Variants in BICC1 observed in about 807,000 individuals in gnomAD.
BICC1 encodes the protein protein bicaudal C homolog 1.
Under a neutral mutation model 111.0 loss-of-function variants are expected in BICC1, and 43 were observed. That is an observed-to-expected ratio of 0.39 (90% confidence interval 0.30 to 0.50). BICC1 has a LOEUF of 0.50. Ranked by LOEUF, BICC1 falls within the 20% of genes least tolerant of loss-of-function variation. The pLI is 0.88. For missense variants in BICC1, 1,091 were observed against 1,203.2 expected (o/e 0.91, Z 1.38); for synonymous variants, 467 against 434.4 (o/e 1.07, Z -0.93).
intron 1 of BICC1, among the ~76,000 whole-genome samples, chr10:58,565,411 T>C (rs887336963): frequency 8.5e-5 from 13 of 152,154 alleles, no homozygotes; most frequent in African/African-American, 2.7e-4. Context: ...TCAGAGGAGC[T>C]GGTCAGTCAA....
intron 1 of BICC1, among the ~76,000 whole-genome samples, chr10:58,562,539 C>T (rs1843635900): frequency 6.6e-6 from 1 of 151,988 alleles, no homozygotes; most frequent in African/African-American, 2.4e-5. Flanking sequence ...ATTGAATTCT[C>T]AGTCTGTATT....
At chr10:58,716,161 G>A (rs1840733290) in intron 3 of BICC1, 2 of 1,502,154 alleles carry the variant, frequency 1.3e-6, no homozygotes, top group Admixed American at 4.0e-5. Context: ...TATTGAGGAG[G>A]TGCGAGCAAA....
At chr10:58,542,988 A>G (rs1026652664) in intron 1 of BICC1, among the ~76,000 whole-genome samples, 2 of 152,160 alleles carry the variant, frequency 1.3e-5, no homozygotes, top group Admixed American at 1.3e-4. Context: ...AACCAAAATT[A>G]CCGTATAATT....
chr10:58,578,925 AC>A (rs1322857739), intron 1 of BICC1, among the ~76,000 whole-genome samples: 1 of 152,182 alleles, frequency 6.6e-6, no homozygotes, highest in Non-Finnish European at 1.5e-5. Context: ...GGGAAGGCAT[AC>A]CTTGGCAGTG....
chr10:58,670,648 C>G (rs983478763), intron 2 of BICC1, among the ~76,000 whole-genome samples: 3 of 152,128 alleles, frequency 2.0e-5, no homozygotes, highest in African/African-American at 7.2e-5. Flanking sequence ...GAAATAAAGA[C>G]TTGTGGAAAA....
At chr10:58,709,719 T>C (rs1000311910) in intron 3 of BICC1, among the ~76,000 whole-genome samples, 3 of 152,248 alleles carry the variant, frequency 2.0e-5, no homozygotes, top group Non-Finnish European at 2.9e-5. Context: ...TATCCACTAC[T>C]GATATCTTCC....
chr10:58,755,461 A>T (rs959341990), intron 3 of BICC1, among the ~76,000 whole-genome samples: 1 of 152,164 alleles, frequency 6.6e-6, no homozygotes, highest in African/African-American at 2.4e-5. Flanking sequence ...ACATTACAGT[A>T]CATTTGGTGA....
intron 3 of BICC1, among the ~76,000 whole-genome samples, chr10:58,709,140 G>C (rs1009369840): frequency 1.3e-5 from 2 of 152,090 alleles, no homozygotes; most frequent in Non-Finnish European, 2.9e-5. Flanking sequence ...CAGTGCTACA[G>C]AACACTAGGA....
At position 58,800,222 on chromosome 10, in the gene BICC1, C is replaced by T. The variant is rs778196471; in HGVS notation, c.1754C>T (p.Ser585Phe). 2.5e-6 allele frequency: 4 copies of T among 1,606,798 alleles called. No homozygotes were observed. The South Asian group carries it at 4.4e-5, about 18-fold the overall frequency. Residue 585 changes from serine to phenylalanine, a missense_variant, in exon 13 of 21, where the codon TCC becomes TTC. Ser to Phe is a radical substitution (Grantham distance 155). Transcript: ENST00000373886. Reference protein sequence around the residue: ...QSPDIKYGAISTSSLGEKVLS... With the variant: ...QSPDIKYGAIFTSSLGEKVLS... The stretch of plus-strand genomic sequence containing the variant: ...CCAGATATAAAATATGGTGCAATAT[C>T]CACTTCATCACTTGGAGAAAAAGTG...
In BICC1 at chr10:58,800,993, T is replaced by C; in HGVS notation, c.1962T>C (p.Cys654=). 2 of 1,612,744 alleles carry C rather than the reference T, an allele frequency of 1.2e-6. No individual in the cohort carries two copies. Among genetic ancestry groups the C allele is most frequent in the Non-Finnish European group, 1.7e-6 (2 of 1,179,362 alleles). ...TGATGTGTCCCTCCAAGGTTTCCTGTGCCAAAAGGCAGACAGTGGAACTAT... is the reference window on the plus strand; with the variant it reads ...TGATGTGTCCCTCCAAGGTTTCCTGCGCCAAAAGGCAGACAGTGGAACTAT... ...KQMMCPSKVS[C]AKRQTVELLQ... Residue 654 remains cysteine, a synonymous_variant, in exon 14 of 21, where the codon TGT becomes TGC. Transcript: ENST00000373886.
chr10:58,716,742 C>T lies in BICC1; in HGVS notation c.307+14599C>T, dbSNP rs548395883. Reference sequence around the variant, plus strand: ...AAGTGTAGTTTAATTTTTTTCCCCTCGTATACTTTTATTTACCTGGGGAAG... The same window carrying T: ...AAGTGTAGTTTAATTTTTTTCCCCTTGTATACTTTTATTTACCTGGGGAAG... On this transcript the variant is annotated intron_variant, in intron 3 of 20. Coordinates refer to ENST00000373886, the MANE Select transcript of BICC1 (RefSeq NM_001080512.3). 3.4e-5 allele frequency among the ~76,000 whole-genome samples: 5 copies of T among 148,366 alleles called. No homozygotes were observed. The East Asian group carries it at 5.8e-4, about 17-fold the overall frequency.
chr10:58,613,221 T>A (rs1249059290), intron 1 of BICC1, among the ~76,000 whole-genome samples: 1 of 152,188 alleles, frequency 6.6e-6, no homozygotes, highest in Non-Finnish European at 1.5e-5. Flanking sequence ...AGACAATTGC[T>A]TTCATTGGCA....
intron 2 of BICC1, among the ~76,000 whole-genome samples, chr10:58,685,957 C>T (rs1839710899): frequency 1.3e-5 from 2 of 152,158 alleles, no homozygotes; most frequent in Non-Finnish European, 2.9e-5. Flanking sequence ...TTCTTCCTAG[C>T]ATCAATGGTC....
intron 18 of BICC1, among the ~76,000 whole-genome samples, chr10:58,816,335 G>A (rs925117337): frequency 6.6e-6 from 1 of 152,192 alleles, no homozygotes; most frequent in Non-Finnish European, 1.5e-5. Flanking sequence ...TTTAAATGGT[G>A]GAGTGTCCCA....
intron 1 of BICC1, among the ~76,000 whole-genome samples, chr10:58,610,986 C>G (rs1845399173): frequency 6.6e-6 from 1 of 152,184 alleles, no homozygotes; most frequent in Non-Finnish European, 1.5e-5. Context: ...AGCCTAAGAT[C>G]TATACCTGGC....
chr10:58,603,628 G>A (rs779114646), intron 1 of BICC1, among the ~76,000 whole-genome samples: 23 of 152,186 alleles, frequency 1.5e-4, no homozygotes, highest in Non-Finnish European at 2.9e-4. Flanking sequence ...AAATGTATTA[G>A]CAAGTTAAAA....
intron 1 of BICC1, among the ~76,000 whole-genome samples, chr10:58,566,505 T>C (rs1027061656): frequency 1.6e-4 from 24 of 152,214 alleles, no homozygotes; most frequent in African/African-American, 5.8e-4. Context: ...TTCTTTTTCC[T>C]CTGGGTACAT....
At chr10:58,659,238 T>G (rs901864634) in intron 2 of BICC1, among the ~76,000 whole-genome samples, 3 of 152,192 alleles carry the variant, frequency 2.0e-5, no homozygotes, top group African/African-American at 7.2e-5. Flanking sequence ...TAATTGGGTA[T>G]GTACCCGAAG....
chr10:58,631,094 C>T (rs2132172855), intron 2 of BICC1, among the ~76,000 whole-genome samples: 1 of 152,240 alleles, frequency 6.6e-6, no homozygotes, highest in South Asian at 2.1e-4. Context: ...TGTTACTGAG[C>T]TTTTATCCTG....
Sources: gnomAD v4.1 joint callset for allele counts (sites outside exome capture counted in the v4.1 genomes callset) on GRCh38, gnomAD v4.1.1 for gene constraint, MANE v1.5 for transcripts, NCBI Gene and HGNC (gene_info 2026-07-23, HGNC 2026-07-21) for gene names.